Variants in LSAMP observed in about 807,000 individuals in gnomAD.
LSAMP encodes limbic system-associated membrane protein.
LSAMP carries 7 observed loss-of-function variants against 38.6 expected under a neutral mutation model. That is an observed-to-expected ratio of 0.18 (90% CI 0.10 to 0.34). The LOEUF (loss-of-function observed/expected upper bound fraction) is 0.34, where lower values mean the gene tolerates loss of function less well. LSAMP is among the 10% of genes least tolerant of loss of function. LSAMP has a pLI of 1.00. For missense variants in LSAMP, 313 were observed against 420.0 expected (o/e 0.75, Z 2.23); for synonymous variants, 154 against 166.8 (o/e 0.92, Z 0.59).
chr3:116,221,172 G>GAAAAAAAAAAAAA (rs1275673221), intron 1 of LSAMP, among the ~76,000 whole-genome samples: 2 of 66,562 alleles, frequency 3.0e-5, no homozygotes, highest in Non-Finnish European at 3.6e-5. Flanking sequence ...AAAAAAAAAG[G>GAAAAAAAAAAAAA]AAAGGGGCAG....
intron 1 of LSAMP, among the ~76,000 whole-genome samples, chr3:116,173,780 ATTTT>A (rs370992162): frequency 1.5e-4 from 4 of 27,566 alleles, no homozygotes; most frequent in African/African-American, 5.3e-4. Flanking sequence ...AGGGGAAAAC[ATTTT>A]TTTTTTTTTT....
chr3:116,370,343 G>A (rs1402022980), intron 1 of LSAMP, among the ~76,000 whole-genome samples: 2 of 152,174 alleles, frequency 1.3e-5, no homozygotes. Flanking sequence ...AAAGATGATG[G>A]AGAAGGAAGC....
intron 1 of LSAMP, among the ~76,000 whole-genome samples, chr3:116,108,122 G>A (rs1396642419): frequency 3.3e-5 from 5 of 152,028 alleles, no homozygotes; most frequent in Admixed American, 6.6e-5. Flanking sequence ...GTGCATGATC[G>A]GTCGCCAAGG....
intron 1 of LSAMP, among the ~76,000 whole-genome samples, chr3:116,294,119 C>T (rs145793572): frequency 0.011 from 1,655 of 152,106 alleles, 23 homozygotes; most frequent in African/African-American, 0.034. Context: ...ACCTCCCACA[C>T]ACACGCCCCT....
intron 2 of LSAMP, among the ~76,000 whole-genome samples, chr3:116,055,109 T>C (rs1941466210): frequency 6.6e-6 from 1 of 152,198 alleles, no homozygotes; most frequent in South Asian, 2.1e-4. Context: ...ATACACATTA[T>C]CACACCTCAA....
chr3:115,873,744 A>C (rs1936109382), intron 3 of LSAMP, among the ~76,000 whole-genome samples: 1 of 152,162 alleles, frequency 6.6e-6, no homozygotes, highest in Non-Finnish European at 1.5e-5. Flanking sequence ...GTGATGACCT[A>C]TAAGATTGCT....
At chr3:116,226,857 C>T (rs2046347738) in intron 1 of LSAMP, among the ~76,000 whole-genome samples, 2 of 152,184 alleles carry the variant, frequency 1.3e-5, no homozygotes, top group African/African-American at 4.8e-5. Context: ...TTTTCTCTCA[C>T]CCAAGCTCCT....
intron 3 of LSAMP, among the ~76,000 whole-genome samples, chr3:115,990,964 T>A (rs1260570948): frequency 6.6e-6 from 1 of 152,080 alleles, no homozygotes; most frequent in African/African-American, 2.4e-5. Context: ...TGAGAAATAT[T>A]GTGCAAGGCC....
chr3:116,187,790 AT>A (rs1201185204), intron 1 of LSAMP, among the ~76,000 whole-genome samples: 1 of 151,864 alleles, frequency 6.6e-6, no homozygotes, highest in Non-Finnish European at 1.5e-5. Context: ...CTTTGTACAC[AT>A]TTTTTTCACT....
At chr3:115,884,246 G>T (rs1936394672) in intron 3 of LSAMP, among the ~76,000 whole-genome samples, 2 of 152,008 alleles carry the variant, frequency 1.3e-5, no homozygotes, top group South Asian at 4.1e-4. Flanking sequence ...TGATTTTGGA[G>T]GCTGAATTAA....
intron 3 of LSAMP, among the ~76,000 whole-genome samples, chr3:115,940,442 G>C (rs1422977222): frequency 6.7e-6 from 1 of 149,326 alleles, no homozygotes; most frequent in Non-Finnish European, 1.5e-5. Flanking sequence ...GCTAGACACA[G>C]AGCGCTGATT....
chr3:116,123,581 CCTTTA>C (rs1708937028), intron 1 of LSAMP, among the ~76,000 whole-genome samples: 1 of 152,168 alleles, frequency 6.6e-6, no homozygotes. Flanking sequence ...TACACTCTTT[CCTTTA>C]CATCTTTCAT....
At chr3:115,922,289 G>A (rs969767776) in intron 3 of LSAMP, among the ~76,000 whole-genome samples, 10 of 151,826 alleles carry the variant, frequency 6.6e-5, no homozygotes, top group African/African-American at 2.2e-4. Flanking sequence ...TTGTTCTTCT[G>A]ACTAGATCTT....
In LSAMP at chr3:116,007,012, AT is replaced by A. The variant is rs1287760183; in HGVS notation, c.514+12502del. Reference sequence around the variant, plus strand: ...AATTAAAGAAAAAAAGACTGATGTCATTCAAAGAGTGACATTTTAGTTTTTG... The same window carrying A: ...AATTAAAGAAAAAAAGACTGATGTCATCAAAGAGTGACATTTTAGTTTTTG... On this transcript the variant is annotated intron_variant, in intron 3 of 6. Transcript: ENST00000490035. 4.6e-5 allele frequency among the ~76,000 whole-genome samples: 7 copies of A among 152,242 alleles called. No homozygotes were observed. The East Asian group carries it at 9.6e-4, about 21-fold the overall frequency.
intron 1 of LSAMP, among the ~76,000 whole-genome samples, chr3:116,331,170 G>A (rs1287229275): frequency 6.6e-6 from 1 of 152,094 alleles, no homozygotes; most frequent in Non-Finnish European, 1.5e-5. Flanking sequence ...GAGAATCTCT[G>A]AAGTTGAAGA....
intron 1 of LSAMP, among the ~76,000 whole-genome samples, chr3:116,091,122 A>T (rs930237856): frequency 2.6e-5 from 4 of 152,216 alleles, no homozygotes; most frequent in Non-Finnish European, 5.9e-5. Flanking sequence ...ACCTACCCCC[A>T]GGTGCGCATT....
intron 1 of LSAMP, among the ~76,000 whole-genome samples, chr3:116,290,136 G>A (rs1052590488): frequency 6.6e-6 from 1 of 152,122 alleles, no homozygotes; most frequent in Non-Finnish European, 1.5e-5. Flanking sequence ...GCACCTTTGA[G>A]TGGGTATACA....
chr3:116,408,240 T>C (rs10212559), intron 1 of LSAMP, among the ~76,000 whole-genome samples: 45,811 of 151,974 alleles, frequency 0.3, 9,392 homozygotes, highest in African/African-American at 0.59. Flanking sequence ...GCTACAGTTA[T>C]AGTGAATGTT....
At chr3:116,356,002 A>G (rs950119616) in intron 1 of LSAMP, among the ~76,000 whole-genome samples, 7 of 152,292 alleles carry the variant, frequency 4.6e-5, no homozygotes, top group Admixed American at 2.0e-4. Flanking sequence ...TACAGCCACT[A>G]TGGAGAATAG....
Sources: allele counts gnomAD v4.1 joint callset (sites outside exome capture counted in the v4.1 genomes callset), GRCh38; gene constraint gnomAD v4.1.1; transcripts MANE v1.5; gene names NCBI Gene and HGNC (gene_info 2026-07-23, HGNC 2026-07-21).